Variants in PSTPIP2 observed in about 807,000 individuals in gnomAD.
The protein encoded by PSTPIP2 is proline-serine-threonine phosphatase interacting protein 2.
A neutral mutation model predicts 63.3 loss-of-function variants in PSTPIP2; 33 were observed. The ratio of observed to expected loss-of-function variants is 0.52; its 90% confidence interval spans 0.40 to 0.70. The LOEUF is 0.70. Ranked by LOEUF, PSTPIP2 falls within the 30% of genes least tolerant of loss-of-function variation. The probability of loss-of-function intolerance (pLI) is 0.00; values close to 1 mark genes in which losing one functional copy is unlikely to be tolerated. For synonymous variants in PSTPIP2, 125 were observed against 132.7 expected, an observed-to-expected ratio of 0.94 and a Z score of 0.40; for missense variants, 312 against 400.7, an observed-to-expected ratio of 0.78 and a Z score of 1.89.
Position 45,985,283 on chromosome 18 carries a change from A to T in PSTPIP2, c.*176T>A. 1.2e-6 allele frequency: 1 copy of T among 819,784 alleles called. No homozygotes were observed. Among genetic ancestry groups the T allele is most frequent in the Non-Finnish European group, 1.9e-6 (1 of 530,888 alleles). The allele number at this position is 819,784 out of a possible 1,614,324, so 50.8% of individuals were successfully genotyped here. ...AAACTTCAAAAAACTGCAGAACTCTACTTGCTTATGTTGTCCTAAATGTCT... is the reference window on the plus strand; with the variant it reads ...AAACTTCAAAAAACTGCAGAACTCTTCTTGCTTATGTTGTCCTAAATGTCT... On this transcript the variant is annotated 3_prime_UTR_variant, in exon 15 of 15. Coordinates refer to ENST00000409746, the MANE Select transcript of PSTPIP2 (RefSeq NM_024430.4).
chr18:46,057,841 A>G (rs1908820170), intron 1 of PSTPIP2, among the ~76,000 whole-genome samples: 1 of 151,820 alleles, frequency 6.6e-6, no homozygotes, highest in Non-Finnish European at 1.5e-5. Flanking sequence ...ACTAAAAAAT[A>G]CAAAAAATTA....
intron 14 of PSTPIP2, among the ~76,000 whole-genome samples, chr18:45,987,335 T>C (rs2051478396): frequency 6.6e-6 from 1 of 152,162 alleles, no homozygotes; most frequent in African/African-American, 2.4e-5. Context: ...TAAATGACAG[T>C]ATATGTAACC....
intron 1 of PSTPIP2, among the ~76,000 whole-genome samples, chr18:46,049,703 A>C (rs1941002750): frequency 6.6e-6 from 1 of 152,184 alleles, no homozygotes; most frequent in Admixed American, 6.5e-5. Flanking sequence ...AACATGGCGA[A>C]ACCCCGTCTC....
chr18:45,986,338 T>G (rs10853539), intron 14 of PSTPIP2, among the ~76,000 whole-genome samples: 58,301 of 152,124 alleles, frequency 0.38, 11,816 homozygotes, highest in South Asian at 0.52. Context: ...AGTACATGTG[T>G]TGGCACTAGC....
intron 1 of PSTPIP2, among the ~76,000 whole-genome samples, chr18:46,068,670 C>T (rs1909281262): frequency 6.6e-6 from 1 of 151,876 alleles, no homozygotes; most frequent in Non-Finnish European, 1.5e-5. Context: ...AGTTTGAAAC[C>T]AGCCTGGCCA....
Position 46,041,640 on chromosome 18 carries a change from T to C in PSTPIP2, c.34-1593A>G, listed in dbSNP as rs530869817. On this transcript the variant is annotated intron_variant, in intron 1 of 14. Coordinates refer to ENST00000409746, the MANE Select transcript of PSTPIP2 (RefSeq NM_024430.4). The stretch of plus-strand genomic sequence containing the variant: ...CCCAAACCAGTAGCCTCAGATGCAG[T>C]ACATTTTAAAAATCAAGCCAACAAG... Among the ~76,000 whole-genome samples, 128 of 152,242 alleles carry C rather than the reference T, an allele frequency of 8.4e-4. 1 individual carries two copies. In the Middle Eastern group the frequency reaches 0.01, roughly 12 times the overall value.
Position 45,988,759 on chromosome 18 carries a change from T to A in PSTPIP2, c.956A>T (p.Asp319Val). Residue 319 changes from aspartate (D) to valine (V), a missense_variant and splice_region_variant, in exon 14 of 15, where the codon GAT (aspartate) becomes GTT (valine). Coordinates refer to ENST00000409746, the MANE Select transcript of PSTPIP2 (RefSeq NM_024430.4). Reference protein sequence around the residue: ...GPLPIPKSSPDDPNYSLVDDY... With the variant: ...GPLPIPKSSPVDPNYSLVDDY... ...ATCAACCAAAGAGTAATTGGGATCA[T>A]CTGCAAAAGGCAGAACACAGAAAAC... 1 of 1,560,524 alleles carries A rather than the reference T, an allele frequency of 6.4e-7. No individual in the cohort carries two copies. Among genetic ancestry groups the A allele is most frequent in the Non-Finnish European group, 8.8e-7 (1 of 1,131,654 alleles).
chr18:45,985,255 T>C lies in PSTPIP2; in HGVS notation c.*204A>G, dbSNP rs113546892. 50 of 638,874 alleles carry C rather than the reference T, an allele frequency of 7.8e-5. No individual in the cohort carries two copies. In the African/African-American group the frequency reaches 8.5e-4, roughly 11 times the overall value. The allele number at this position is 638,874 out of a possible 1,614,324, so 39.6% of individuals were successfully genotyped here. On this transcript the variant is annotated 3_prime_UTR_variant, in exon 15 of 15. Coordinates refer to ENST00000409746, the MANE Select transcript of PSTPIP2 (RefSeq NM_024430.4). ...AATAATTCTTCAGAATGGGGCAATT[T>C]GTAAACTTCAAAAAACTGCAGAACT...
At chr18:46,059,027 T>C (rs1413367294) in intron 1 of PSTPIP2, among the ~76,000 whole-genome samples, 1 of 125,494 alleles carries the variant, frequency 8.0e-6, no homozygotes, top group East Asian at 5.2e-4. Flanking sequence ...TCTTTTTTTT[T>C]CTTTTTTTCT....
At chr18:46,037,234 C>A (rs1242001634) in intron 2 of PSTPIP2, among the ~76,000 whole-genome samples, 1 of 152,162 alleles carries the variant, frequency 6.6e-6, no homozygotes, top group Non-Finnish European at 1.5e-5. Flanking sequence ...CTCACTGCAA[C>A]ATCCGCCTCC....
intron 3 of PSTPIP2, among the ~76,000 whole-genome samples, chr18:46,020,179 A>G (rs769151629): frequency 6.6e-6 from 1 of 152,192 alleles, no homozygotes; most frequent in African/African-American, 2.4e-5. Flanking sequence ...AACCATGGGA[A>G]TGGTGGCGTA....
At chr18:46,029,247 G>T in intron 2 of PSTPIP2, 1 of 1,232,780 alleles carries the variant, frequency 8.1e-7, no homozygotes, top group Non-Finnish European at 1.2e-6. Context: ...GAGCTTTGAA[G>T]ATGTCTCCCC....
intron 9 of PSTPIP2, among the ~76,000 whole-genome samples, chr18:45,994,177 T>A (rs569613914): frequency 2.0e-5 from 3 of 151,970 alleles, no homozygotes; most frequent in Admixed American, 6.6e-5. Flanking sequence ...TGTTTTTCCT[T>A]AAAAAAAGGG....
At position 46,036,017 on chromosome 18, in the gene PSTPIP2, GA is replaced by G. The variant is rs1423919308; in HGVS notation, c.134+3929del. On this transcript the variant is annotated intron_variant, in intron 2 of 14. Coordinates refer to ENST00000409746, the MANE Select transcript of PSTPIP2 (RefSeq NM_024430.4). ...TTCCAGCTGACAGAAGGGTAAACTA[GA>G]TAAATTTACAATTTACTGATGGAGT... 4.7e-3 allele frequency among the ~76,000 whole-genome samples: 711 copies of G among 151,886 alleles called. 11 individuals carry two copies. The highest frequency in any genetic ancestry group is 0.029 in the Admixed American group (447 of 15,250).
At chr18:46,058,507 C>A (rs1908859162) in intron 1 of PSTPIP2, among the ~76,000 whole-genome samples, 1 of 151,950 alleles carries the variant, frequency 6.6e-6, no homozygotes, top group Admixed American at 6.6e-5. Context: ...CAGGGGTGCG[C>A]CACCACACCC....
chr18:46,015,324 T>C (rs1464546071), intron 4 of PSTPIP2, among the ~76,000 whole-genome samples: 4 of 152,004 alleles, frequency 2.6e-5, no homozygotes, highest in Non-Finnish European at 5.9e-5. Flanking sequence ...CACAACAGGG[T>C]CCCAAAGTCT....
chr18:46,008,405 G>A (rs958419956), intron 5 of PSTPIP2, among the ~76,000 whole-genome samples: 5 of 118,460 alleles, frequency 4.2e-5, no homozygotes, highest in African/African-American at 1.4e-4. Context: ...CCCCCACCCC[G>A]GTTTCAAGCA....
intron 4 of PSTPIP2, among the ~76,000 whole-genome samples, chr18:46,014,044 A>T (rs1348417713): frequency 1.4e-5 from 2 of 146,160 alleles, no homozygotes; most frequent in Non-Finnish European, 3.0e-5. Flanking sequence ...TTTTTTTTTT[A>T]AACAGTCTTA....
intron 2 of PSTPIP2, among the ~76,000 whole-genome samples, chr18:46,039,317 A>C (rs1908100403): frequency 6.6e-6 from 1 of 152,166 alleles, no homozygotes; most frequent in African/African-American, 2.4e-5. Context: ...CCCATGGACT[A>C]CCATGCCCTG....
Sources: allele counts gnomAD v4.1 joint callset (sites outside exome capture counted in the v4.1 genomes callset), GRCh38; gene constraint gnomAD v4.1.1; transcripts MANE v1.5; gene names NCBI Gene and HGNC (gene_info 2026-07-23, HGNC 2026-07-21).